Variants in SLCO6A1 observed in about 807,000 individuals in gnomAD.
SLCO6A1 encodes the protein solute carrier organic anion transporter family member 6A1.
Under a neutral mutation model 72.7 loss-of-function variants are expected in SLCO6A1, and 65 were observed. The ratio of observed to expected loss-of-function variants is 0.89; its 90% CI spans 0.73 to 1.10. SLCO6A1 has a LOEUF of 1.10. Ranked by LOEUF, SLCO6A1 falls within the 50% of genes least tolerant of loss-of-function variation. SLCO6A1 has a pLI of 0.00. For missense variants in SLCO6A1, 874 were observed against 872.6 expected, an observed-to-expected ratio of 1.00 and a Z score of -0.02; for synonymous variants, 314 against 298.2, an observed-to-expected ratio of 1.05 and a Z score of -0.55.
chr5:102,374,907 T>C (rs1745696558), intron 12 of SLCO6A1, among the ~76,000 whole-genome samples: 1 of 152,180 alleles, frequency 6.6e-6, no homozygotes, highest in Non-Finnish European at 1.5e-5. Flanking sequence ...GATTAAAATC[T>C]TCTGTTTAAA....
rs111324603 is a variant in SLCO6A1, at chr5:102,405,372, C to A, written c.1627-5630G>T. Among the ~76,000 whole-genome samples the A allele has an allele frequency of 5.4e-3, 816 of 151,188 alleles. 4 individuals carry two copies. The highest frequency in any genetic ancestry group is 0.019 in the African/African-American group (771 of 41,204). ...CAGGATAAACTCAAAGAAAACCAAACCAACACACTAATGAAAAGCAAAATT... is the reference window on the plus strand; with the variant it reads ...CAGGATAAACTCAAAGAAAACCAAAACAACACACTAATGAAAAGCAAAATT... On this transcript the variant is annotated intron_variant, in intron 9 of 13. Coordinates refer to ENST00000506729, the MANE Select transcript of SLCO6A1 (RefSeq NM_173488.5).
intron 10 of SLCO6A1, among the ~76,000 whole-genome samples, chr5:102,394,354 T>C (rs1323484954): frequency 6.6e-6 from 1 of 152,184 alleles, no homozygotes; most frequent in Non-Finnish European, 1.5e-5. Context: ...GAATTTGTAA[T>C]ATCGTTACAT....
intron 11 of SLCO6A1, among the ~76,000 whole-genome samples, 198 bp from the exon 12 acceptor site, chr5:102,389,023 C>T (rs567762570): frequency 1.6e-4 from 24 of 152,262 alleles, no homozygotes; most frequent in Non-Finnish European, 2.9e-4. Flanking sequence ...CCATATCCCT[C>T]TAGGTATGAA....
chr5:102,379,181 G>A (rs1401434703), intron 12 of SLCO6A1, among the ~76,000 whole-genome samples: 1 of 151,950 alleles, frequency 6.6e-6, no homozygotes, highest in African/African-American at 2.4e-5. Flanking sequence ...ATTGATTTGT[G>A]GGAGTGCTTT....
At chr5:102,478,829 A>C (rs1453903855) in intron 2 of SLCO6A1, among the ~76,000 whole-genome samples, 1 of 152,180 alleles carries the variant, frequency 6.6e-6, no homozygotes, top group African/African-American at 2.4e-5. Flanking sequence ...TACAAATGAA[A>C]ATTTTCATCT....
At chr5:102,457,705 A>G (rs976730563) in intron 6 of SLCO6A1, among the ~76,000 whole-genome samples, 6 of 152,308 alleles carry the variant, frequency 3.9e-5, no homozygotes, top group East Asian at 3.9e-4. Flanking sequence ...GATTCCTCAG[A>G]GATCTAGAAC....
chr5:102,491,897 G>A (rs997321360), intron 1 of SLCO6A1, among the ~76,000 whole-genome samples: 13 of 152,268 alleles, frequency 8.5e-5, no homozygotes, highest in Non-Finnish European at 1.6e-4. Context: ...CTGCCAGCAC[G>A]CTGTCACCTC....
chr5:102,388,045 A>G (rs1746511476), intron 12 of SLCO6A1, among the ~76,000 whole-genome samples: 1 of 152,166 alleles, frequency 6.6e-6, no homozygotes, highest in Non-Finnish European at 1.5e-5. Context: ...CAAAAGAGAA[A>G]ATATGAAGTG....
chr5:102,490,664 C>T (rs970460023), intron 1 of SLCO6A1, among the ~76,000 whole-genome samples: 2 of 152,086 alleles, frequency 1.3e-5, no homozygotes, highest in Non-Finnish European at 2.9e-5. Context: ...CTGGTGGGTT[C>T]GTGGTCTCCC....
intron 4 of SLCO6A1, among the ~76,000 whole-genome samples, chr5:102,464,051 A>G (rs111749970): frequency 1.3e-5 from 2 of 152,140 alleles, no homozygotes; most frequent in African/African-American, 4.8e-5. Flanking sequence ...GAAGGGTAGG[A>G]TGGGGGGTGA....
rs555037075 is a variant in SLCO6A1, at chr5:102,469,736, C to T, written c.899+5961G>A. Among the ~76,000 whole-genome samples the T allele has an allele frequency of 1.2e-4, 19 of 152,074 alleles. No homozygotes were observed. In the South Asian group the frequency reaches 2.5e-3, roughly 20 times the overall value. ...GAGAGAGGGCATCCTTGTCTTGTGC[C>T]GGTTTTCAAAGGGAATGCTTCCAGT... On this transcript the variant is annotated intron_variant, in intron 4 of 13. Transcript: ENST00000506729.
At chr5:102,407,921 C>T (rs1227502873) in intron 9 of SLCO6A1, among the ~76,000 whole-genome samples, 5 of 152,122 alleles carry the variant, frequency 3.3e-5, no homozygotes, top group Admixed American at 2.0e-4. Flanking sequence ...GCCTGTGAGA[C>T]TTGGAGCAGA....
chr5:102,434,983 G>T (rs186628938), intron 7 of SLCO6A1, among the ~76,000 whole-genome samples: 3 of 152,292 alleles, frequency 2.0e-5, no homozygotes, highest in Admixed American at 2.0e-4. Flanking sequence ...ACATGATAAA[G>T]TGCAGTACAT....
At chr5:102,483,169 C>T (rs542657182) in intron 1 of SLCO6A1, among the ~76,000 whole-genome samples, 2 of 152,144 alleles carry the variant, frequency 1.3e-5, no homozygotes, top group East Asian at 1.9e-4. Context: ...TGTGCAATGG[C>T]TTTCTTTTGG....
At chr5:102,481,194 TTGCTGC>T (rs916510682) in intron 1 of SLCO6A1, among the ~76,000 whole-genome samples, 5 of 151,698 alleles carry the variant, frequency 3.3e-5, no homozygotes, top group Non-Finnish European at 7.4e-5. Context: ...GCTGCTACTA[TTGCTGC>T]TGCTGCTGCT....
chr5:102,477,368 C>T (rs914472662), intron 3 of SLCO6A1, among the ~76,000 whole-genome samples: 2 of 152,062 alleles, frequency 1.3e-5, no homozygotes, highest in African/African-American at 4.8e-5. Context: ...AAGTGATCTG[C>T]CCACCTCAGC....
At chr5:102,402,494 T>C (rs1198887490) in intron 9 of SLCO6A1, among the ~76,000 whole-genome samples, 1 of 152,196 alleles carries the variant, frequency 6.6e-6, no homozygotes, top group Non-Finnish European at 1.5e-5. Context: ...GCTCACTTTG[T>C]GTTGCTATAA....
chr5:102,459,737 A>T lies in SLCO6A1; in HGVS notation c.940T>A (p.Trp314Arg), dbSNP rs1561480308. ...GCGGCAAAAAGAAAATTAATCCACCAAGTCCATAGCCATTCTGGACTACCA... is the reference window on the plus strand; with the variant it reads ...GCGGCAAAAAGAAAATTAATCCACCTAGTCCATAGCCATTCTGGACTACCA... ...NNGSPEWLWT[W>R]WINFLFAAVV... is the part of the protein sequence containing the mutation. The change falls in exon 5 of 14, where the codon TGG becomes AGG. Residue 314 changes from tryptophan (W) to arginine (R), a missense_variant. Transcript: ENST00000506729. 6.2e-7 allele frequency: 1 copy of T among 1,611,130 alleles called. No individual in the cohort carries two copies. Among genetic ancestry groups the T allele is most frequent in the East Asian group, 2.2e-5 (1 of 44,694 alleles).
Position 102,420,012 on chromosome 5 carries a change from A to C in SLCO6A1, c.1286T>G (p.Leu429Ter), listed in dbSNP as rs755809385. 15 of 1,569,752 alleles carry C rather than the reference A, an allele frequency of 9.6e-6. No homozygotes were observed. The highest frequency in any genetic ancestry group is 2.2e-5 in the Admixed American group (1 of 45,778). ...CTGGCCAAGTGCACCTCCTGGAATT[A>C]AAACAAGTCCTAAAAAAAAGGAGGA... The part of the protein sequence containing the change: ...TVATTLAGLV[L>*]IPGGALGQLL... The change falls in exon 8 of 14, where the codon TTA becomes TGA. Residue 429 changes from leucine (L) to a stop codon, truncating the protein, a stop_gained. Transcript: ENST00000506729. LOFTEE classifies it high-confidence loss of function.
Sources: gnomAD v4.1 joint callset for allele counts (sites outside exome capture counted in the v4.1 genomes callset) on GRCh38, gnomAD v4.1.1 for gene constraint, MANE v1.5 for transcripts, NCBI Gene and HGNC (gene_info 2026-07-23, HGNC 2026-07-21) for gene names.